MAP4K3: variants seen among roughly 807,000 people sequenced by gnomAD.
MAP4K3 encodes MAPK/ERK kinase kinase kinase 3.
In MAP4K3, 94 loss-of-function variants were observed where a neutral mutation model predicts 143.5. The ratio of observed to expected loss-of-function variants is 0.65; its 90% CI spans 0.55 to 0.78. The LOEUF (loss-of-function observed/expected upper bound fraction) is 0.78. Among genes scored for constraint, MAP4K3 ranks in the 30% least tolerant of loss-of-function variants. The pLI is 0.00. For synonymous variants in MAP4K3, 416 were observed against 347.2 expected (o/e 1.20, Z -2.20); for missense variants, 1,077 against 1,068.1 (o/e 1.01, Z -0.12).
At position 39,278,056 on chromosome 2, in the gene MAP4K3, C is replaced by T. The variant is rs542635280; in HGVS notation, c.1794+351G>A. ...CAGCACACTGGGAGGCCGAGGCGGGCAGATCACCTGAGGTCAGGAGTTCAA... is the reference window on the plus strand; with the variant it reads ...CAGCACACTGGGAGGCCGAGGCGGGTAGATCACCTGAGGTCAGGAGTTCAA... On this transcript the variant is annotated intron_variant, in intron 24 of 33. Transcript: ENST00000263881. Among the ~76,000 whole-genome samples the T allele has an allele frequency of 2.3e-3, 351 of 151,202 alleles. 5 individuals are homozygous for T. The highest frequency in any genetic ancestry group is 3.0e-3 in the Non-Finnish European group (205 of 67,764).
At chr2:39,345,518 G>T (rs987195123) in intron 3 of MAP4K3, among the ~76,000 whole-genome samples, 1 of 152,154 alleles carries the variant, frequency 6.6e-6, no homozygotes, top group East Asian at 1.9e-4. Flanking sequence ...TGACTTGACC[G>T]TAGTGGACAA....
intron 26 of MAP4K3, among the ~76,000 whole-genome samples, chr2:39,271,067 A>C (rs892811104): frequency 4.6e-5 from 7 of 152,166 alleles, no homozygotes; most frequent in Non-Finnish European, 7.3e-5. Flanking sequence ...AATTTATCCA[A>C]GGTCCCATAT....
chr2:39,355,659 A>G (rs1440167084), intron 3 of MAP4K3, among the ~76,000 whole-genome samples: 2 of 152,232 alleles, frequency 1.3e-5, no homozygotes, highest in African/African-American at 2.4e-5. Flanking sequence ...ATGGAAAACA[A>G]GATTTGACCC....
intron 17 of MAP4K3, 47 bp downstream of exon 17, chr2:39,293,183 T>C (rs906598208): frequency 6.0e-6 from 8 of 1,338,686 alleles, no homozygotes; most frequent in Non-Finnish European, 7.3e-6. Context: ...AAACTGACTT[T>C]ACTTGTCTGT....
chr2:39,278,421 T>C lies in MAP4K3; in HGVS notation c.1780A>G (p.Thr594Ala), dbSNP rs1681369047. 1.9e-6 allele frequency: 3 copies of C among 1,584,520 alleles called. No individual in the cohort carries two copies. The highest frequency in any genetic ancestry group is 2.6e-6 in the Non-Finnish European group (3 of 1,163,132). The change falls in exon 24 of 34, where the codon ACA becomes GCA. Residue 594 changes from threonine (T) to alanine (A), a missense_variant. Transcript: ENST00000263881. ...AAATAACATACCTGTTCCATTGATG[T>C]TTCATGAAGTTCATTAAGATTGAGG... ...YTLNLNELHETSMEQLFPRRC... is the reference protein window; with the variant it reads ...YTLNLNELHEASMEQLFPRRC...
At chr2:39,405,910 T>A (rs1399497203) in intron 1 of MAP4K3, among the ~76,000 whole-genome samples, 1 of 151,820 alleles carries the variant, frequency 6.6e-6, no homozygotes, top group Admixed American at 6.6e-5. Context: ...CAGGGGCCAA[T>A]CCTGGAGAAA....
At chr2:39,434,732 C>A (rs1388514776) in intron 1 of MAP4K3, among the ~76,000 whole-genome samples, 2 of 152,234 alleles carry the variant, frequency 1.3e-5, no homozygotes, top group Non-Finnish European at 1.5e-5. Context: ...AAGTTAATCT[C>A]CTTGTGCCTC....
At chr2:39,303,530 G>C (rs560677466) in intron 15 of MAP4K3, among the ~76,000 whole-genome samples, 108 of 152,006 alleles carry the variant, frequency 7.1e-4, no homozygotes, top group African/African-American at 2.5e-3. Flanking sequence ...CATTAACATA[G>C]TGTTTTTTGG....
intron 3 of MAP4K3, among the ~76,000 whole-genome samples, chr2:39,349,576 T>C (rs189641688): frequency 8.9e-4 from 136 of 152,100 alleles, no homozygotes; most frequent in Non-Finnish European, 1.7e-3. Context: ...AGGCCACTGG[T>C]ATATTAAAGG....
chr2:39,309,720 G>T (rs1435656772), intron 13 of MAP4K3, among the ~76,000 whole-genome samples: 2 of 151,508 alleles, frequency 1.3e-5, no homozygotes, highest in Admixed American at 1.3e-4. Context: ...ACCACGCCCG[G>T]CTGATTTTTT....
In MAP4K3 at chr2:39,436,943, GTCC is replaced by G; in HGVS notation, c.42_44del (p.Glu14del). On this transcript the variant is annotated inframe_deletion, in exon 1 of 34. Transcript: ENST00000263881. ...TGCCGATGCGCTGAATCAGCTCGAA[GTCC>G]TCCTGCGGGTTCCGGCGGGACAAAT... The G allele has an allele frequency of 6.2e-7, 1 of 1,612,844 alleles. No individual in the cohort carries two copies. Among genetic ancestry groups the G allele is most frequent in the Non-Finnish European group, 8.5e-7 (1 of 1,179,472 alleles).
chr2:39,395,367 A>C (rs1296639541), intron 1 of MAP4K3, among the ~76,000 whole-genome samples: 1 of 152,044 alleles, frequency 6.6e-6, no homozygotes, highest in Non-Finnish European at 1.5e-5. Flanking sequence ...ACATTTTTAA[A>C]ATAATGGTTT....
At chr2:39,369,390 G>A (rs1251565141) in intron 2 of MAP4K3, among the ~76,000 whole-genome samples, 1 of 151,672 alleles carries the variant, frequency 6.6e-6, no homozygotes, top group Non-Finnish European at 1.5e-5. Context: ...CAGCTGATCT[G>A]CCCGCCTCGG....
rs540165434 is a variant in MAP4K3 at position 39,283,916 on chromosome 2, A to G, written c.1588-1362T>C. The G allele has an allele frequency of 9.8e-5, 15 of 152,340 alleles. No homozygotes were observed. The South Asian group carries it at 3.1e-3, about 32-fold the overall frequency. 9.4% of individuals were successfully genotyped at this position (152,340 alleles called of 1,614,324 possible). On this transcript the variant is annotated intron_variant, in intron 21 of 33. Coordinates refer to ENST00000263881, the MANE Select transcript of MAP4K3 (RefSeq NM_003618.4). ...GCCATACATCAGAATCACTTAAACA[A>G]TGAGATGAAAACTAATAAAAAAGCT...
chr2:39,401,697 G>A (rs984209199), intron 1 of MAP4K3, among the ~76,000 whole-genome samples: 1 of 152,184 alleles, frequency 6.6e-6, no homozygotes. Flanking sequence ...GCTGCTTGGG[G>A]AGCTTAGGTG....
chr2:39,436,448 G>C (rs550702264), intron 1 of MAP4K3, among the ~76,000 whole-genome samples: 106 of 152,198 alleles, frequency 7.0e-4, no homozygotes, highest in African/African-American at 2.5e-3. Context: ...CTACCACCGA[G>C]GCCTGGTGGG....
intron 1 of MAP4K3, among the ~76,000 whole-genome samples, chr2:39,382,959 G>A (rs1332588508): frequency 6.6e-6 from 1 of 152,196 alleles, no homozygotes; most frequent in Non-Finnish European, 1.5e-5. Flanking sequence ...AAAGGGCACA[G>A]AACGAAAAGC....
chr2:39,386,009 T>A (rs7603337), intron 1 of MAP4K3, among the ~76,000 whole-genome samples: 5,164 of 152,106 alleles, frequency 0.034, 143 homozygotes, highest in Non-Finnish European at 0.044. Context: ...AATTGAATTG[T>A]GCTCCCTACC....
intron 33 of MAP4K3, 117 bp from the exon 34 acceptor site, chr2:39,250,822 G>C: frequency 1.3e-6 from 1 of 759,506 alleles, no homozygotes; most frequent in South Asian, 1.7e-5. Flanking sequence ...TCATTTGATC[G>C]TGGGCAGAAA....
Sources: allele counts gnomAD v4.1 joint callset (sites outside exome capture counted in the v4.1 genomes callset), GRCh38; gene constraint gnomAD v4.1.1; transcripts MANE v1.5; gene names NCBI Gene and HGNC (gene_info 2026-07-23, HGNC 2026-07-21).